PTPN14: variants seen among roughly 807,000 people sequenced by gnomAD.
The protein encoded by PTPN14 is tyrosine-protein phosphatase non-receptor type 14.
In PTPN14, 53 loss-of-function variants were observed where a neutral mutation model predicts 126.8. That is an observed-to-expected ratio of 0.42 (90% CI 0.34 to 0.53). PTPN14 has a LOEUF of 0.53. PTPN14 is among the 20% of genes least tolerant of loss of function. The probability of loss-of-function intolerance (pLI) is 0.08; values close to 1 mark genes in which losing one functional copy is unlikely to be tolerated. For synonymous variants in PTPN14, 630 were observed against 599.3 expected, an observed-to-expected ratio of 1.05 and a Z score of -0.75; for missense variants, 1,257 against 1,552.9, an observed-to-expected ratio of 0.81 and a Z score of 3.20.
At chr1:214,435,100 A>C (rs1659882560) in intron 3 of PTPN14, among the ~76,000 whole-genome samples, 1 of 152,216 alleles carries the variant, frequency 6.6e-6, no homozygotes, top group African/African-American at 2.4e-5. Flanking sequence ...CTAGACAATT[A>C]AAAATATAGG....
At chr1:214,500,806 C>T (rs764577276) in intron 1 of PTPN14, among the ~76,000 whole-genome samples, 1 of 152,208 alleles carries the variant, frequency 6.6e-6, no homozygotes, top group East Asian at 1.9e-4. Context: ...CCTGACTACC[C>T]TGGAATGACA....
chr1:214,486,109 G>A (rs1661106563), intron 1 of PTPN14, among the ~76,000 whole-genome samples: 1 of 152,142 alleles, frequency 6.6e-6, no homozygotes, highest in South Asian at 2.1e-4. Context: ...TTACTCTGCA[G>A]GCAGGGGTAG....
At chr1:214,531,650 G>T (rs1655552979) in intron 1 of PTPN14, 2 of 152,186 alleles carry the variant, frequency 1.3e-5, no homozygotes, top group Non-Finnish European at 1.5e-5. Flanking sequence ...AGCCTTAAAT[G>T]AGGAACTATA....
intron 1 of PTPN14, chr1:214,532,475 G>A (rs1655577162): frequency 1.2e-6 from 1 of 847,416 alleles, no homozygotes; most frequent in Admixed American, 1.7e-5. Context: ...TGGACAGACT[G>A]AGGAGCCTGG....
At chr1:214,509,499 C>A (rs1654919884) in intron 1 of PTPN14, among the ~76,000 whole-genome samples, 1 of 152,192 alleles carries the variant, frequency 6.6e-6, no homozygotes, top group Non-Finnish European at 1.5e-5. Context: ...TTCAATCTAT[C>A]CAGACCACTC....
chr1:214,420,508 G>A (rs1659520579), intron 3 of PTPN14, among the ~76,000 whole-genome samples: 1 of 152,138 alleles, frequency 6.6e-6, no homozygotes, highest in Non-Finnish European at 1.5e-5. Context: ...GCCTTAACTA[G>A]TGAAAAAAAG....
intron 17 of PTPN14, among the ~76,000 whole-genome samples, chr1:214,365,733 G>T (rs1429648360): frequency 6.6e-6 from 1 of 152,142 alleles, no homozygotes; most frequent in African/African-American, 2.4e-5. Flanking sequence ...AAAATAATCT[G>T]AAGTGCTTTA....
chr1:214,369,710 CA>C lies in PTPN14; in HGVS notation c.3037-20del. On this transcript the variant is annotated intron_variant, in intron 16 of 18. Coordinates refer to ENST00000366956, the MANE Select transcript of PTPN14 (RefSeq NM_005401.5). Reference sequence around the variant, plus strand: ...CACCCTCCTAAATCACATATAAAAGCAAAATTGGAAATAGGTCAAGGGAAGC... The same window carrying C: ...CACCCTCCTAAATCACATATAAAAGCAAATTGGAAATAGGTCAAGGGAAGC... 6.2e-7 allele frequency: 1 copy of C among 1,603,634 alleles called. No individual in the cohort carries two copies. Among genetic ancestry groups the C allele is most frequent in the Non-Finnish European group, 8.5e-7 (1 of 1,170,590 alleles).
intron 2 of PTPN14, among the ~76,000 whole-genome samples, chr1:214,453,063 C>A (rs552597925): frequency 6.6e-6 from 1 of 152,236 alleles, no homozygotes; most frequent in Non-Finnish European, 1.5e-5. Context: ...CGTGCCCTTG[C>A]CTATATAAAG....
intron 3 of PTPN14, among the ~76,000 whole-genome samples, chr1:214,439,015 G>A (rs1371804662): frequency 3.9e-5 from 6 of 152,122 alleles, no homozygotes; most frequent in African/African-American, 1.2e-4. Context: ...CAGAGAGTGA[G>A]GTCTTCAAGT....
At chr1:214,423,817 C>T (rs190726532) in intron 3 of PTPN14, among the ~76,000 whole-genome samples, 1,810 of 151,394 alleles carry the variant, frequency 0.012, 43 homozygotes, top group African/African-American at 0.041. Context: ...CACGTCTCTA[C>T]TAAAAATACA....
chr1:214,414,073 C>T (rs1468051846), intron 4 of PTPN14, among the ~76,000 whole-genome samples: 2 of 152,248 alleles, frequency 1.3e-5, no homozygotes, highest in East Asian at 3.9e-4. Flanking sequence ...AAGTCCCACA[C>T]ATAACAATTT....
intron 1 of PTPN14, among the ~76,000 whole-genome samples, chr1:214,506,204 T>C (rs953838278): frequency 6.6e-6 from 1 of 152,170 alleles, no homozygotes. Flanking sequence ...GCTAGCTTTT[T>C]TCCTAAATAT....
At chr1:214,466,423 T>C (rs1054972864) in intron 1 of PTPN14, among the ~76,000 whole-genome samples, 1 of 152,244 alleles carries the variant, frequency 6.6e-6, no homozygotes, top group Non-Finnish European at 1.5e-5. Context: ...GCAAAAGTCC[T>C]GTAACCAAAT....
At chr1:214,506,302 C>T (rs1406293603) in intron 1 of PTPN14, among the ~76,000 whole-genome samples, 2 of 151,922 alleles carry the variant, frequency 1.3e-5, no homozygotes, top group Non-Finnish European at 2.9e-5. Context: ...GTCAGGAATT[C>T]GAGACCAGAT....
intron 3 of PTPN14, among the ~76,000 whole-genome samples, chr1:214,449,164 G>C (rs1440551906): frequency 1.3e-5 from 2 of 150,742 alleles, no homozygotes; most frequent in African/African-American, 4.9e-5. Context: ...CCACCACCAC[G>C]CCCGGCTAAT....
intron 1 of PTPN14, among the ~76,000 whole-genome samples, chr1:214,501,776 T>C (rs1191818398): frequency 1.3e-5 from 2 of 152,190 alleles, no homozygotes; most frequent in African/African-American, 4.8e-5. Context: ...AGTTATTTTT[T>C]AGGCCAGGTG....
intron 3 of PTPN14, among the ~76,000 whole-genome samples, chr1:214,427,983 C>A (rs932030198): frequency 1.3e-5 from 2 of 152,166 alleles, no homozygotes; most frequent in African/African-American, 4.8e-5. Context: ...GTGGTACAAA[C>A]CACAAAAGGC....
At chr1:214,370,558 G>A (rs932757039) in intron 16 of PTPN14, among the ~76,000 whole-genome samples, 1 of 152,198 alleles carries the variant, frequency 6.6e-6, no homozygotes, top group Admixed American at 6.5e-5. Flanking sequence ...TCTTTATCTA[G>A]TGTCGATTTC....
Sources: gnomAD v4.1 joint callset for allele counts (sites outside exome capture counted in the v4.1 genomes callset) on GRCh38, gnomAD v4.1.1 for gene constraint, MANE v1.5 for transcripts, NCBI Gene and HGNC (gene_info 2026-07-23, HGNC 2026-07-21) for gene names.